The following LRBA variants were observed in gnomAD, a reference collection of about 807,000 sequenced individuals.
LRBA encodes the protein lipopolysaccharide-responsive and beige-like anchor protein.
LRBA carries 176 observed loss-of-function variants against 330.0 expected under a neutral mutation model. The ratio of observed to expected loss-of-function variants is 0.53; its 90% confidence interval spans 0.47 to 0.60. The LOEUF is 0.60. Ranked by LOEUF, LRBA falls within the 20% of genes least tolerant of loss-of-function variation. The pLI, the probability that LRBA is intolerant of heterozygous loss-of-function variation, is 0.00. For missense variants in LRBA, 3,259 were observed against 3,444.8 expected, an observed-to-expected ratio of 0.95 and a Z score of 1.35; for synonymous variants, 1,230 against 1,193.0, an observed-to-expected ratio of 1.03 and a Z score of -0.64.
chr4:150,748,247 G>A (rs2126359519), intron 35 of LRBA, among the ~76,000 whole-genome samples: 1 of 152,102 alleles, frequency 6.6e-6, no homozygotes, highest in Middle Eastern at 3.4e-3. Flanking sequence ...CTCTTTTCTA[G>A]AATACTTCAG....
At chr4:151,006,663 T>C (rs1319916774) in intron 2 of LRBA, among the ~76,000 whole-genome samples, 2 of 152,146 alleles carry the variant, frequency 1.3e-5, no homozygotes, top group African/African-American at 2.4e-5. Context: ...ATAAAAAGCT[T>C]ACTTAGTTTT....
intron 34 of LRBA, among the ~76,000 whole-genome samples, chr4:150,789,699 T>C (rs1044120279): frequency 6.6e-6 from 1 of 152,194 alleles, no homozygotes; most frequent in African/African-American, 2.4e-5. Flanking sequence ...ATCAGAGAGT[T>C]TGGTATTAAA....
At chr4:150,736,823 TAATAGC>T (rs1731243944) in intron 35 of LRBA, among the ~76,000 whole-genome samples, 1 of 152,096 alleles carries the variant, frequency 6.6e-6, no homozygotes, top group African/African-American at 2.4e-5. Context: ...AAAAAATTCT[TAATAGC>T]AGACAGCGGG....
chr4:150,849,970 C>A (rs1750404343), intron 24 of LRBA, among the ~76,000 whole-genome samples: 1 of 151,584 alleles, frequency 6.6e-6, no homozygotes, highest in Admixed American at 6.6e-5. Context: ...AAGAATCTTA[C>A]ACAAATAAAA....
At chr4:150,962,986 AAAAT>A (rs976509645) in intron 2 of LRBA, among the ~76,000 whole-genome samples, 7 of 129,532 alleles carry the variant, frequency 5.4e-5, no homozygotes, top group African/African-American at 1.5e-4. Context: ...AAAAGAAATA[AAAAT>A]AAATAAAATA....
intron 47 of LRBA, among the ~76,000 whole-genome samples, chr4:150,389,911 ATTTT>A (rs34355782): frequency 3.3e-4 from 37 of 111,702 alleles, no homozygotes; most frequent in Middle Eastern, 9.9e-3. Context: ...TTGTCTGGGT[ATTTT>A]TTTTTTTTTT....
At chr4:150,898,591 A>T (rs1046428435) in intron 14 of LRBA, among the ~76,000 whole-genome samples, 2 of 152,086 alleles carry the variant, frequency 1.3e-5, no homozygotes, top group Non-Finnish European at 2.9e-5. Flanking sequence ...CTTTGAACAG[A>T]TCAATGAAAA....
intron 47 of LRBA, among the ~76,000 whole-genome samples, chr4:150,411,493 G>A (rs1746989587): frequency 6.6e-6 from 1 of 152,116 alleles, no homozygotes; most frequent in Admixed American, 6.6e-5. Flanking sequence ...TACCAACCGA[G>A]TATTGTATAA....
In LRBA at chr4:150,908,374, A is replaced by G; in HGVS notation, c.1453T>C (p.Tyr485His). Residue 485 changes from tyrosine to histidine, a missense_variant, in exon 11 of 57, where the codon TAC (tyrosine) becomes CAC (histidine). Transcript: ENST00000651943. ...VLFPLFAQLD[Y>H]RQYLSDEIDL... ...ATCTCATCAGACAAATATTGCCTGT[A>G]ATCCAACTGTGCAAAAAGTGGAAAT... is the stretch of plus-strand genomic sequence containing the variant. 2 of 1,609,306 alleles carry G rather than the reference A, an allele frequency of 1.2e-6. No homozygotes were observed. Among genetic ancestry groups the G allele is most frequent in the Non-Finnish European group, 1.7e-6 (2 of 1,178,908 alleles).
chr4:150,481,861 T>G (rs1757339485), intron 42 of LRBA, among the ~76,000 whole-genome samples: 1 of 152,130 alleles, frequency 6.6e-6, no homozygotes, highest in African/African-American at 2.4e-5. Context: ...GTTTACAATT[T>G]GAGACTGGAA....
At chr4:150,788,761 CAA>C (rs34603148) in intron 34 of LRBA, among the ~76,000 whole-genome samples, 200 of 123,944 alleles carry the variant, frequency 1.6e-3, no homozygotes, top group Middle Eastern at 4.1e-3. Flanking sequence ...ACTTCGTCTC[CAA>C]AAAAAAAAAA....
chr4:150,300,197 C>A (rs1433956345), intron 53 of LRBA, among the ~76,000 whole-genome samples: 1 of 152,034 alleles, frequency 6.6e-6, no homozygotes, highest in Non-Finnish European at 1.5e-5. Flanking sequence ...CTCCTGGATT[C>A]ATCTTTCAAA....
intron 16 of LRBA, among the ~76,000 whole-genome samples, chr4:150,893,880 T>C (rs907465276): frequency 6.6e-6 from 1 of 152,004 alleles, no homozygotes; most frequent in African/African-American, 2.4e-5. Flanking sequence ...TTTCACCATA[T>C]TAGCCAGGAT....
At chr4:150,991,111 A>G (rs1458582487) in intron 2 of LRBA, among the ~76,000 whole-genome samples, 1 of 151,888 alleles carries the variant, frequency 6.6e-6, no homozygotes, top group African/African-American at 2.4e-5. Flanking sequence ...GAGGATGAAG[A>G]GGAGGAAGAG....
At chr4:150,450,706 C>T (rs1312362853) in intron 44 of LRBA, among the ~76,000 whole-genome samples, 1 of 151,958 alleles carries the variant, frequency 6.6e-6, no homozygotes, top group Non-Finnish European at 1.5e-5. Context: ...TAACATGTAC[C>T]CAAAAATAAA....
chr4:150,567,924 A>C (rs572050328), intron 40 of LRBA, among the ~76,000 whole-genome samples: 82 of 152,166 alleles, frequency 5.4e-4, no homozygotes, highest in Non-Finnish European at 1.0e-3. Context: ...TAACAAAGGG[A>C]GAGGAATACA....
At chr4:150,693,216 T>C (rs897632114) in intron 36 of LRBA, among the ~76,000 whole-genome samples, 4 of 152,138 alleles carry the variant, frequency 2.6e-5, no homozygotes, top group African/African-American at 9.7e-5. Context: ...AATGTTGAAA[T>C]AAAATTTCCA....
At chr4:150,835,618 A>G (rs1284141123) in intron 28 of LRBA, among the ~76,000 whole-genome samples, 1 of 152,092 alleles carries the variant, frequency 6.6e-6, no homozygotes, top group Non-Finnish European at 1.5e-5. Context: ...TTATTGGTGT[A>G]TAGGAATGTT....
intron 36 of LRBA, among the ~76,000 whole-genome samples, chr4:150,688,755 C>T (rs1783847174): frequency 6.6e-6 from 1 of 152,104 alleles, no homozygotes; most frequent in African/African-American, 2.4e-5. Flanking sequence ...AATGAGATAC[C>T]ATCTCATGCC....
Sources: allele counts gnomAD v4.1 joint callset (sites outside exome capture counted in the v4.1 genomes callset), GRCh38; gene constraint gnomAD v4.1.1; transcripts MANE v1.5; gene names NCBI Gene and HGNC (gene_info 2026-07-23, HGNC 2026-07-21).